Variants in SAMM50 observed in about 807,000 individuals in gnomAD.
The protein encoded by SAMM50 is sorting and assembly machinery component 50 homolog.
SAMM50 carries 47 observed loss-of-function variants against 66.9 expected under a neutral mutation model. The ratio of observed to expected loss-of-function variants is 0.70; its 90% confidence interval spans 0.56 to 0.90. The LOEUF (loss-of-function observed/expected upper bound fraction) is 0.90. Ranked by LOEUF, SAMM50 falls within the 40% of genes least tolerant of loss-of-function variation. The probability of loss-of-function intolerance (pLI) is 0.00; values close to 1 mark genes in which losing one functional copy is unlikely to be tolerated. For synonymous variants in SAMM50, 191 were observed against 214.1 expected, an observed-to-expected ratio of 0.89 and a Z score of 0.94; for missense variants, 535 against 595.3, an observed-to-expected ratio of 0.90 and a Z score of 1.05.
At chr22:43,996,060 C>T in intron 14 of SAMM50, 2 of 503,694 alleles carry the variant, frequency 4.0e-6, no homozygotes, top group East Asian at 6.9e-5. Context: ...GAGAGGGGAA[C>T]GTGAAGGAGG....
intron 14 of SAMM50, among the ~76,000 whole-genome samples, chr22:43,993,935 T>C (rs969058719): frequency 5.9e-5 from 9 of 152,248 alleles, no homozygotes; most frequent in African/African-American, 2.2e-4. Context: ...GTGGCACCAC[T>C]GTCTCTGGGA....
In SAMM50 at chr22:43,990,315, T is replaced by C. The variant is rs2050316783; in HGVS notation, c.1273T>C (p.Ser425Pro). 3 of 1,614,128 alleles carry C rather than the reference T, an allele frequency of 1.9e-6. No individual in the cohort carries two copies. The East Asian group carries it at 6.7e-5, about 36-fold the overall frequency. The change falls in exon 14 of 15, where the codon TCG (serine) becomes CCG (proline). Residue 425 changes from serine (S) to proline (P), a missense_variant. Coordinates refer to ENST00000350028, the MANE Select transcript of SAMM50 (RefSeq NM_015380.5). ...TAAGCTGGCTGAGTGCATCCGCTGG[T>C]CGTACGGGGCCGGGATTGTCCTCAG... ...IRKLAECIRW[S>P]YGAGIVLRLG... is the part of the protein sequence containing the mutation.
rs1349788237 is a variant in SAMM50, at chr22:43,990,456, T to C, written c.1364+50T>C. ...CAATCACATCCCACTCTCCAGTAAT[T>C]TTATTTTGTTTTGGACGTGGTTAAT... On this transcript the variant is annotated intron_variant, in intron 14 of 14. Coordinates refer to ENST00000350028, the MANE Select transcript of SAMM50 (RefSeq NM_015380.5). 3 of 1,576,040 alleles carry C rather than the reference T, an allele frequency of 1.9e-6. No homozygotes were observed. In the African/African-American group the frequency reaches 4.1e-5, roughly 21 times the overall value.
chr22:43,996,485 C>CGGT lies in SAMM50; in HGVS notation c.*104_*105insTGG. The CGGT allele has an allele frequency of 9.0e-7, 1 of 1,111,406 alleles. No homozygotes were observed. The highest frequency in any genetic ancestry group is 2.4e-5 in the East Asian group (1 of 42,532). The allele number at this position is 1,111,406 out of a possible 1,614,324, so 68.8% of individuals were successfully genotyped here. On this transcript the variant is annotated 3_prime_UTR_variant, in exon 15 of 15. Transcript: ENST00000350028. The stretch of plus-strand genomic sequence containing the variant: ...ACGCGGTTCAGCGATTCTTTGACTG[C>CGGT]GGACCCTGTGGGAAACCCCGTCAAT...
chr22:43,986,064 ATGGAGT>A (rs2050291280), intron 12 of SAMM50, among the ~76,000 whole-genome samples: 1 of 128,698 alleles, frequency 7.8e-6, no homozygotes, highest in African/African-American at 2.9e-5. Context: ...TTTTTTTGAG[ATGGAGT>A]CTTGCTCTGT....
At chr22:43,990,532 A>C (rs1192008346) in intron 14 of SAMM50, 126 bp downstream of exon 14, 2 of 1,005,452 alleles carry the variant, frequency 2.0e-6, no homozygotes, top group Non-Finnish European at 3.0e-6. Flanking sequence ...AAATAGTTGC[A>C]AAATAATGAA....
chr22:43,965,627 TC>T (rs1382554534), intron 3 of SAMM50, among the ~76,000 whole-genome samples: 13 of 152,192 alleles, frequency 8.5e-5, no homozygotes, highest in African/African-American at 3.1e-4. Flanking sequence ...CCCCGGCCAA[TC>T]CCAGTCTGCT....
chr22:43,983,863 A>G lies in SAMM50; in HGVS notation c.1008-70A>G. 9.2e-7 allele frequency: 1 copy of G among 1,085,290 alleles called. No individual in the cohort carries two copies. The highest frequency in any genetic ancestry group is 1.4e-5 in the South Asian group (1 of 70,280). The allele number at this position is 1,085,290 out of a possible 1,614,324, so 67.2% of individuals were successfully genotyped here. On this transcript the variant is annotated intron_variant, in intron 11 of 14. Transcript: ENST00000350028. The surrounding 1 kb of genome is among the most constrained non-coding windows in gnomAD (Gnocchi z 4.2). Reference sequence around the variant, plus strand: ...AATGTGAGTCTGACATGTGTTTCCTACGCGTTCCGTGTGTCATGTCGTTTC... The same window carrying G: ...AATGTGAGTCTGACATGTGTTTCCTGCGCGTTCCGTGTGTCATGTCGTTTC...
In SAMM50 at chr22:43,991,514, C is replaced by T. The variant is rs764358576; in HGVS notation, c.1364+1108C>T. ...AATTCCTGGGCTCAAGCCATCTGCC[C>T]GCATTGGCCTCCCAAAGTACTGGGA... On this transcript the variant is annotated intron_variant, in intron 14 of 14. Transcript: ENST00000350028. Among the ~76,000 whole-genome samples the T allele has an allele frequency of 6.6e-5, 10 of 151,824 alleles. 1 individual carries two copies. The highest frequency in any genetic ancestry group is 1.2e-4 in the Non-Finnish European group (8 of 67,968).
intron 1 of SAMM50, 132 bp downstream of exon 1, chr22:43,955,730 T>G (rs1223485188): frequency 1.0e-6 from 1 of 995,858 alleles, no homozygotes; most frequent in Non-Finnish European, 1.4e-6. Context: ...CCGGGCTGGG[T>G]GGAGGAGGCC....
intron 7 of SAMM50, among the ~76,000 whole-genome samples, chr22:43,973,571 C>A (rs2050215541): frequency 6.6e-6 from 1 of 152,208 alleles, no homozygotes; most frequent in African/African-American, 2.4e-5. Context: ...GGTTGTCCCT[C>A]CCCATATGTG....
At chr22:43,961,417 TG>T (rs1425569474) in intron 1 of SAMM50, among the ~76,000 whole-genome samples, 1 of 152,178 alleles carries the variant, frequency 6.6e-6, no homozygotes, top group Non-Finnish European at 1.5e-5. Flanking sequence ...ATGTTAAATA[TG>T]TAAGTATATA....
At chr22:43,985,809 G>A (rs528786685) in intron 12 of SAMM50, among the ~76,000 whole-genome samples, 7 of 151,956 alleles carry the variant, frequency 4.6e-5, no homozygotes, top group Admixed American at 1.3e-4. Context: ...GGGTGGCCGC[G>A]TCCTTTTGCA....
At chr22:43,993,711 A>C (rs2050337963) in intron 14 of SAMM50, among the ~76,000 whole-genome samples, 1 of 152,196 alleles carries the variant, frequency 6.6e-6, no homozygotes, top group Non-Finnish European at 1.5e-5. Flanking sequence ...GTTGGTCATC[A>C]ATATTGGAAT....
In SAMM50 at chr22:43,955,531, C is replaced by A; in HGVS notation, c.-47C>A. The A allele has an allele frequency of 6.3e-7, 1 of 1,583,008 alleles. No homozygotes were observed. The highest frequency in any genetic ancestry group is 1.8e-5 in the Admixed American group (1 of 55,770). On this transcript the variant is annotated 5_prime_UTR_variant, in exon 1 of 15. The change creates a new upstream start codon in the 5' untranslated region. Coordinates refer to ENST00000350028, the MANE Select transcript of SAMM50 (RefSeq NM_015380.5). ...CCTTCTGCCCTCAGCAGCAGACGCT[C>A]TGTCCCGCCCGGGCAGCTCTGCGAG...
At position 43,981,416 on chromosome 22, in the gene SAMM50, G is replaced by C; in HGVS notation, c.962G>C (p.Gly321Ala). ...DSVFSASFWGGMLVPIGDKPS... is the reference protein window; with the variant it reads ...DSVFSASFWGAMLVPIGDKPS... ...GTTTTTTCAGCGTCTTTCTGGGGCG[G>C]AATGTTGGTACCCATTGGTGATAAG... The change falls in exon 11 of 15, where the codon GGA (glycine) becomes GCA (alanine). Residue 321 changes from glycine (G) to alanine (A), a missense_variant. Coordinates refer to ENST00000350028, the MANE Select transcript of SAMM50 (RefSeq NM_015380.5). 1 of 1,613,876 alleles carries C rather than the reference G, an allele frequency of 6.2e-7. No individual in the cohort carries two copies. The highest frequency in any genetic ancestry group is 8.5e-7 in the Non-Finnish European group (1 of 1,179,794).
intron 12 of SAMM50, chr22:43,986,939 G>GTATAGAT (rs2050297773): frequency 6.6e-6 from 1 of 152,182 alleles, no homozygotes; most frequent in Non-Finnish European, 1.5e-5. Context: ...TTTGTCGAAA[G>GTATAGAT]TATAGATTAT....
At chr22:43,971,282 T>C (rs933136221) in intron 4 of SAMM50, among the ~76,000 whole-genome samples, 2 of 152,226 alleles carry the variant, frequency 1.3e-5, no homozygotes, top group Non-Finnish European at 2.9e-5. Flanking sequence ...CGTCTAGATG[T>C]CCAGCCAGGG....
At chr22:43,971,978 C>T (rs1045545400) in intron 4 of SAMM50, among the ~76,000 whole-genome samples, 2 of 152,156 alleles carry the variant, frequency 1.3e-5, no homozygotes, top group African/African-American at 4.8e-5. Flanking sequence ...TGATTACAGG[C>T]CTGAGTCACT....
Sources: allele counts gnomAD v4.1 joint callset (sites outside exome capture counted in the v4.1 genomes callset), GRCh38; gene constraint gnomAD v4.1.1; non-coding constraint Gnocchi (gnomAD v3.1); transcripts MANE v1.5; gene names NCBI Gene and HGNC (gene_info 2026-07-23, HGNC 2026-07-21).